MEGF6: variants seen among roughly 807,000 people sequenced by gnomAD.
MEGF6 encodes multiple epidermal growth factor-like domains protein 6.
Under a neutral mutation model 207.1 loss-of-function variants are expected in MEGF6, and 184 were observed. The observed-to-expected ratio is 0.89, with a 90% CI of 0.79 to 1.00. MEGF6 has a LOEUF of 1.00. MEGF6 is among the 50% of genes least tolerant of loss of function. The probability of loss-of-function intolerance (pLI) is 0.00; values close to 1 mark genes in which losing one functional copy is unlikely to be tolerated. For synonymous variants in MEGF6, 1,038 were observed against 910.0 expected (o/e 1.14, Z -2.53); for missense variants, 2,282 against 2,202.9 (o/e 1.04, Z -0.72).
At chr1:3,540,190 C>T (rs750788428) in intron 4 of MEGF6, among the ~76,000 whole-genome samples, 8 of 152,236 alleles carry the variant, frequency 5.3e-5, no homozygotes, top group South Asian at 2.1e-4. Flanking sequence ...ATTATTTTCC[C>T]GGCTTGGCCT....
At chr1:3,569,468 T>C (rs564175245) in intron 4 of MEGF6, among the ~76,000 whole-genome samples, 69 of 152,338 alleles carry the variant, frequency 4.5e-4, no homozygotes, top group South Asian at 6.2e-4. Flanking sequence ...GCCCCAGTGC[T>C]GCCCTGAAGT....
chr1:3,530,439 C>A (rs1004469572), intron 4 of MEGF6, among the ~76,000 whole-genome samples: 2 of 152,204 alleles, frequency 1.3e-5, no homozygotes, highest in African/African-American at 4.8e-5. Context: ...TCCACCCCCT[C>A]CTCCAATTCC....
chr1:3,596,922 C>G lies in MEGF6; in HGVS notation c.267-1475G>C, dbSNP rs545123284. Among the ~76,000 whole-genome samples, 36 of 152,294 alleles carry G rather than the reference C, an allele frequency of 2.4e-4. No homozygotes were observed. The East Asian group carries it at 7.0e-3, about 30-fold the overall frequency. ...CAGCAAGCCTCCCACCATCACAGCCCCATCCCGGGGCTCGTAAGTCTCAGT... is the reference window on the plus strand; with the variant it reads ...CAGCAAGCCTCCCACCATCACAGCCGCATCCCGGGGCTCGTAAGTCTCAGT... On this transcript the variant is annotated intron_variant, in intron 2 of 36. Coordinates refer to ENST00000356575, the MANE Select transcript of MEGF6 (RefSeq NM_001409.4).
At chr1:3,574,350 C>T (rs546077073) in intron 4 of MEGF6, among the ~76,000 whole-genome samples, 1 of 152,272 alleles carries the variant, frequency 6.6e-6, no homozygotes, top group East Asian at 1.9e-4. Context: ...CTGCTCTGCT[C>T]CTCTGCTCCT....
chr1:3,597,955 G>A (rs780604525), intron 2 of MEGF6, among the ~76,000 whole-genome samples: 3 of 152,360 alleles, frequency 2.0e-5, no homozygotes, highest in East Asian at 1.9e-4. Flanking sequence ...AACTGCTCAC[G>A]TGCATGTGAG....
chr1:3,583,011 G>A (rs76127418), intron 3 of MEGF6, among the ~76,000 whole-genome samples: 3,527 of 152,280 alleles, frequency 0.023, 138 homozygotes, highest in African/African-American at 0.08. Flanking sequence ...TGATGAAGGG[G>A]TGAATGAATG....
chr1:3,499,774 C>T (rs1391484308), intron 22 of MEGF6, 22 bp downstream of exon 22: 7 of 1,575,312 alleles, frequency 4.4e-6, no homozygotes, highest in Non-Finnish European at 4.3e-6. Context: ...CCAGCCTAGC[C>T]CCCGCCTGTG....
intron 4 of MEGF6, among the ~76,000 whole-genome samples, chr1:3,578,121 C>T (rs1250578002): frequency 6.6e-6 from 1 of 152,128 alleles, no homozygotes; most frequent in Non-Finnish European, 1.5e-5. Context: ...AGGACACGGC[C>T]AGGAAAGGCC....
At chr1:3,623,798 C>G in the MEGF6 span, among the ~76,000 whole-genome samples, 1 of 152,224 alleles carries the variant, frequency 6.6e-6, no homozygotes, top group Non-Finnish European at 1.5e-5. Flanking sequence ...AACACTCCCT[C>G]TAGGATTTTG....
At chr1:3,603,960 C>T (rs1644202776) in intron 1 of MEGF6, among the ~76,000 whole-genome samples, 1 of 152,244 alleles carries the variant, frequency 6.6e-6, no homozygotes, top group Non-Finnish European at 1.5e-5. Context: ...TTGTGCTGAA[C>T]AAATCCAGAA....
Position 3,508,659 on chromosome 1 carries a change from C to A in MEGF6, c.1559G>T (p.Cys520Phe). 1 of 1,613,478 alleles carries A rather than the reference C, an allele frequency of 6.2e-7. No individual in the cohort carries two copies. Among genetic ancestry groups the A allele is most frequent in the South Asian group, 1.1e-5 (1 of 91,080 alleles). Residue 520 changes from cysteine (C) to phenylalanine (F), a missense_variant, in exon 13 of 37, where the codon TGC becomes TTC. Physicochemically the swap from Cys to Phe is radical, Grantham distance 205. Transcript: ENST00000356575. ...VCLDDSFGHD[C>F]SLTCDDCRNG... ...CCTGCAGTCATCACAGGTCAAGCTG[C>A]AGTCATGGCCAAAGGAGTCATCCAG...
chr1:3,598,322 G>A (rs572744903), intron 2 of MEGF6, among the ~76,000 whole-genome samples: 1 of 152,336 alleles, frequency 6.6e-6, no homozygotes, highest in East Asian at 1.9e-4. Context: ...CGGCCGGCGG[G>A]CGGGCCGCTT....
Position 3,505,492 on chromosome 1 carries a change from C to A in MEGF6, c.1983G>T (p.Thr661=), listed in dbSNP as rs377104156. 8 of 1,608,062 alleles carry A rather than the reference C, an allele frequency of 5.0e-6. No homozygotes were observed. Among genetic ancestry groups the A allele is most frequent in the Non-Finnish European group, 5.9e-6 (7 of 1,178,346 alleles). Residue 661 remains threonine, a synonymous_variant, in exon 16 of 37, where the codon ACG becomes ACT. Coordinates refer to ENST00000356575, the MANE Select transcript of MEGF6 (RefSeq NM_001409.4). ...TGCCATCCCTCTTGTCACAGGACTG[C>A]GTGTGGGGCTGCACACACTGGCACT... ...SEECQCVQPH[T]QSCDKRDGSC...
chr1:3,542,002 G>C (rs568472103), intron 4 of MEGF6, among the ~76,000 whole-genome samples: 2 of 152,210 alleles, frequency 1.3e-5, no homozygotes, highest in Non-Finnish European at 2.9e-5. Flanking sequence ...GCTGAGAGCC[G>C]GGTCCGGCAC....
rs1259929175 is a variant in MEGF6, at chr1:3,510,799, A to G, written c.1218T>C (p.Asp406=). The G allele has an allele frequency of 2.5e-6, 4 of 1,606,712 alleles. No individual in the cohort carries two copies. The highest frequency in any genetic ancestry group is 3.4e-6 in the Non-Finnish European group (4 of 1,175,690). The change falls in exon 10 of 37, where the codon GAT becomes GAC. Residue 406 remains aspartate (D), a synonymous_variant. Transcript: ENST00000356575. ...AGTGCTCACCCTCACAGCCGCAGCC[A>G]TCGGCACTGAGCCGGTAGCCGGCGT... ...GCYAGYRLSA[D]GCGCEDVDEC...
At chr1:3,498,671 G>T in intron 25 of MEGF6, 27 bp downstream of exon 25, 1 of 1,538,908 alleles carries the variant, frequency 6.5e-7, no homozygotes, top group Non-Finnish European at 8.8e-7. Flanking sequence ...GCTGGGGTAT[G>T]TCCCTCCTCT....
At chr1:3,538,475 GCCCAGCTGCCATT>G (rs1642400137) in intron 4 of MEGF6, among the ~76,000 whole-genome samples, 1 of 152,214 alleles carries the variant, frequency 6.6e-6, no homozygotes, top group Non-Finnish European at 1.5e-5. Context: ...GTTTCCGCGA[GCCCAGCTGCCATT>G]CCTGACTGCA....
At chr1:3,496,483 G>A (rs375437298) in intron 29 of MEGF6, among the ~76,000 whole-genome samples, 172 bp downstream of exon 29, 122 of 152,352 alleles carry the variant, frequency 8.0e-4, no homozygotes, top group African/African-American at 2.5e-3. Flanking sequence ...CACCCCCAGC[G>A]CTGCAGGTCC....
chr1:3,527,340 A>T (rs538557776), intron 4 of MEGF6, among the ~76,000 whole-genome samples: 2 of 152,160 alleles, frequency 1.3e-5, no homozygotes, highest in South Asian at 4.1e-4. Flanking sequence ...CTGCCCATCC[A>T]CGCTCTGAGA....
Sources: allele counts gnomAD v4.1 joint callset (sites outside exome capture counted in the v4.1 genomes callset), GRCh38; gene constraint gnomAD v4.1.1; transcripts MANE v1.5; gene names NCBI Gene and HGNC (gene_info 2026-07-23, HGNC 2026-07-21).